GLIS3: variants seen among roughly 807,000 people sequenced by gnomAD.
The protein encoded by GLIS3 is zinc finger protein GLIS3.
Under a neutral mutation model 78.6 loss-of-function variants are expected in GLIS3, and 53 were observed. The ratio of observed to expected loss-of-function variants is 0.67; its 90% CI spans 0.54 to 0.85. The LOEUF (loss-of-function observed/expected upper bound fraction) is 0.85, where lower values mean the gene tolerates loss of function less well. GLIS3 is among the 40% of genes least tolerant of loss of function. The pLI, the probability that GLIS3 is intolerant of heterozygous loss-of-function variation, is 0.00. For missense variants in GLIS3, 1,703 were observed against 1,231.1 expected (o/e 1.38, Z -5.74); for synonymous variants, 684 against 509.9 (o/e 1.34, Z -4.60).
At chr9:3,965,410 T>A (rs1409891033) in intron 4 of GLIS3, among the ~76,000 whole-genome samples, 4 of 151,998 alleles carry the variant, frequency 2.6e-5, no homozygotes, top group African/African-American at 9.7e-5. Context: ...GTCAGGCTAG[T>A]CTGGAACTCT....
intron 4 of GLIS3, among the ~76,000 whole-genome samples, chr9:3,945,294 A>G (rs1005406575): frequency 1.3e-5 from 2 of 152,238 alleles, no homozygotes; most frequent in Non-Finnish European, 2.9e-5. Flanking sequence ...TATGAAATAT[A>G]AAGCGTACAA....
At chr9:3,923,561 T>C (rs146926422) in intron 6 of GLIS3, among the ~76,000 whole-genome samples, 555 of 139,006 alleles carry the variant, frequency 4.0e-3, no homozygotes, top group Non-Finnish European at 5.9e-3. Flanking sequence ...GTAGAGCCCA[T>C]GTGCAAGTGT....
At chr9:3,866,496 T>G (rs1470586420) in intron 8 of GLIS3, among the ~76,000 whole-genome samples, 2 of 152,060 alleles carry the variant, frequency 1.3e-5, no homozygotes, top group Admixed American at 6.5e-5. Flanking sequence ...AAGAAAAGTT[T>G]TAGATAGTCA....
chr9:3,914,456 T>C (rs1051665963), intron 6 of GLIS3, among the ~76,000 whole-genome samples: 3 of 152,118 alleles, frequency 2.0e-5, no homozygotes, highest in East Asian at 1.9e-4. Flanking sequence ...CATGAGCCTC[T>C]GCGCCCAGCC....
At chr9:4,446,005 T>A in the GLIS3 span, among the ~76,000 whole-genome samples, 30 of 152,356 alleles carry the variant, frequency 2.0e-4, no homozygotes, top group African/African-American at 6.7e-4. Flanking sequence ...TAGATTTTTT[T>A]AATATATGAA....
the GLIS3 span, among the ~76,000 whole-genome samples, chr9:4,395,544 G>T: frequency 6.6e-6 from 1 of 152,022 alleles, no homozygotes; most frequent in African/African-American, 2.4e-5. Context: ...AGTCATTTTG[G>T]TACTGGTGCC....
At chr9:4,189,494 T>C (rs955096051) in intron 2 of GLIS3, among the ~76,000 whole-genome samples, 10 of 152,220 alleles carry the variant, frequency 6.6e-5, no homozygotes, top group Admixed American at 2.6e-4. Flanking sequence ...CAGAGTTCTG[T>C]AGATGTCTAT....
chr9:4,137,062 T>A (rs1023532306), intron 2 of GLIS3, among the ~76,000 whole-genome samples: 2 of 152,160 alleles, frequency 1.3e-5, no homozygotes, highest in Admixed American at 6.5e-5. Context: ...GAGGAGCACA[T>A]GAACCAGCTG....
chr9:4,390,756 T>TA, the GLIS3 span, among the ~76,000 whole-genome samples: 1 of 152,150 alleles, frequency 6.6e-6, no homozygotes, highest in Non-Finnish European at 1.5e-5. Flanking sequence ...ACTCATCCTA[T>TA]ACAATGGGGC....
chr9:4,435,292 G>A, the GLIS3 span, among the ~76,000 whole-genome samples: 1 of 152,112 alleles, frequency 6.6e-6, no homozygotes, highest in Admixed American at 6.5e-5. Context: ...AAATTGAATG[G>A]GATTATAGTG....
intron 8 of GLIS3, 96 bp downstream of exon 8, chr9:3,879,331 G>T (rs1821562500): frequency 8.2e-7 from 1 of 1,220,806 alleles, no homozygotes; most frequent in Non-Finnish European, 1.2e-6. Flanking sequence ...ACCCACCAAC[G>T]GATTATTAAT....
At position 4,125,810 on chromosome 9, in the gene GLIS3, C is replaced by A. The variant is rs1054343450; in HGVS notation, c.520G>T (p.Ala174Ser). 4 of 1,614,024 alleles carry A rather than the reference C, an allele frequency of 2.5e-6. No individual in the cohort carries two copies. In the African/African-American group the frequency reaches 4.0e-5, roughly 16 times the overall value. ...ISPPASQVSTACNQISPSLQR... is the reference protein window; with the variant it reads ...ISPPASQVSTSCNQISPSLQR... ...AAGCTAGGACTGATCTGGTTGCATG[C>A]TGTAGAGACCTGGCTTGCTGGAGGT... is the stretch of plus-strand genomic sequence containing the variant. Residue 174 changes from alanine to serine, a missense_variant, in exon 3 of 11, where the codon GCA becomes TCA. By Grantham distance (99) the Ala-to-Ser change is moderately conservative. Coordinates refer to ENST00000381971, the MANE Select transcript of GLIS3 (RefSeq NM_001042413.2).
chr9:4,141,742 C>A (rs184025875), intron 2 of GLIS3, among the ~76,000 whole-genome samples: 1 of 152,266 alleles, frequency 6.6e-6, no homozygotes, highest in Admixed American at 6.5e-5. Context: ...AAATATCTAC[C>A]TTTTGGCTCA....
At chr9:3,995,942 T>C (rs995502968) in intron 4 of GLIS3, among the ~76,000 whole-genome samples, 1 of 152,078 alleles carries the variant, frequency 6.6e-6, no homozygotes, top group Non-Finnish European at 1.5e-5. Flanking sequence ...GACACAATAA[T>C]TTTAGGTTTT....
At chr9:4,289,631 T>G (rs1233052345) in intron 1 of GLIS3, among the ~76,000 whole-genome samples, 1 of 151,946 alleles carries the variant, frequency 6.6e-6, no homozygotes, top group African/African-American at 2.4e-5. Context: ...CTGTTCTCCA[T>G]CGAACTACTC....
intron 7 of GLIS3, among the ~76,000 whole-genome samples, chr9:3,887,697 T>G (rs1822173739): frequency 6.6e-6 from 1 of 152,188 alleles, no homozygotes; most frequent in African/African-American, 2.4e-5. Context: ...GCAATACAAC[T>G]AGAAGATAAT....
chr9:4,172,399 C>T (rs748512416), intron 2 of GLIS3, among the ~76,000 whole-genome samples: 2 of 152,124 alleles, frequency 1.3e-5, no homozygotes, highest in Admixed American at 6.6e-5. Context: ...CACATGCAAG[C>T]AGTTTCTCCT....
At chr9:4,082,515 T>C (rs1828641644) in intron 4 of GLIS3, among the ~76,000 whole-genome samples, 1 of 152,230 alleles carries the variant, frequency 6.6e-6, no homozygotes, top group Admixed American at 6.5e-5. Context: ...ACCTATCTTA[T>C]GAGACTATTA....
At chr9:4,482,136 G>T in the GLIS3 span, among the ~76,000 whole-genome samples, 1 of 152,108 alleles carries the variant, frequency 6.6e-6, no homozygotes, top group Non-Finnish European at 1.5e-5. Context: ...AAATTACTTG[G>T]TCAAGGACAT....
Sources: gnomAD v4.1 joint callset for allele counts (sites outside exome capture counted in the v4.1 genomes callset) on GRCh38, gnomAD v4.1.1 for gene constraint, MANE v1.5 for transcripts, NCBI Gene and HGNC (gene_info 2026-07-23, HGNC 2026-07-21) for gene names.